GAB2: variants seen among roughly 807,000 people sequenced by gnomAD.
GAB2 encodes GRB2 associated binding protein 2, also known as GRB2-associated-binding protein 2.
GAB2 carries 26 observed loss-of-function variants against 65.5 expected under a neutral mutation model. The observed-to-expected ratio is 0.40, with a 90% confidence interval of 0.29 to 0.55. The LOEUF (loss-of-function observed/expected upper bound fraction) is 0.55, where lower values mean the gene tolerates loss of function less well. GAB2 is among the 20% of genes least tolerant of loss of function. GAB2 has a pLI of 0.53. For missense variants in GAB2, 884 were observed against 875.8 expected (o/e 1.01, Z -0.12); for synonymous variants, 321 against 329.6 (o/e 0.97, Z 0.28).
At chr11:78,225,715 G>T (rs1426869233) in intron 4 of GAB2, among the ~76,000 whole-genome samples, 1 of 152,220 alleles carries the variant, frequency 6.6e-6, no homozygotes, top group Non-Finnish European at 1.5e-5. Context: ...TAGGGTCTGA[G>T]TCTCATCTCT....
At chr11:78,385,192 A>G (rs1236306431) in intron 1 of GAB2, among the ~76,000 whole-genome samples, 1 of 152,274 alleles carries the variant, frequency 6.6e-6, no homozygotes, top group African/African-American at 2.4e-5. Flanking sequence ...CAGGGTATAG[A>G]AATGGCATCA....
At chr11:78,236,373 A>C (rs1001794555) in intron 3 of GAB2, among the ~76,000 whole-genome samples, 5 of 152,148 alleles carry the variant, frequency 3.3e-5, no homozygotes, top group African/African-American at 1.2e-4. Flanking sequence ...CTGGTCTCGA[A>C]CTCTTGAGCT....
At chr11:78,274,794 T>C (rs570394855) in intron 2 of GAB2, among the ~76,000 whole-genome samples, 17 of 152,170 alleles carry the variant, frequency 1.1e-4, no homozygotes, top group Non-Finnish European at 2.1e-4. Context: ...GTGCTTCCAG[T>C]ACAATGCATA....
intron 1 of GAB2, among the ~76,000 whole-genome samples, chr11:78,370,712 C>CCTGTGTGTGTGTGTGTGTGTGTGTGTGT (rs58668713): frequency 8.1e-6 from 1 of 123,220 alleles, no homozygotes. Flanking sequence ...TGTGTGTGTG[C>CCTGTGTGTGTGTGTGTGTGTGTGTGTGT]GTGTGTGTGT....
At chr11:78,411,354 A>G (rs1857126918) in intron 1 of GAB2, among the ~76,000 whole-genome samples, 2 of 152,236 alleles carry the variant, frequency 1.3e-5, no homozygotes, top group Non-Finnish European at 2.9e-5. Flanking sequence ...AAACAAGATT[A>G]TTCTAAAATT....
chr11:78,351,453 C>CTT (rs916784692), intron 1 of GAB2, among the ~76,000 whole-genome samples: 2 of 152,074 alleles, frequency 1.3e-5, no homozygotes, highest in Non-Finnish European at 2.9e-5. Context: ...TTTATAAGGT[C>CTT]TTTGTTGATT....
chr11:78,372,822 C>G lies in GAB2; in HGVS notation c.75+44824G>C, dbSNP rs112063411. Among the ~76,000 whole-genome samples the G allele has an allele frequency of 3.1e-3, 466 of 152,282 alleles. 1 individual carries two copies. Among genetic ancestry groups the G allele is most frequent in the African/African-American group, 0.01 (433 of 41,558 alleles). On this transcript the variant is annotated intron_variant, in intron 1 of 9. Transcript: ENST00000361507. Reference sequence around the variant, plus strand: ...AGGGTCTCTCATTCACCAACCTACCCCACTCCCAACCTTCAAAACCAGTTT... The same window carrying G: ...AGGGTCTCTCATTCACCAACCTACCGCACTCCCAACCTTCAAAACCAGTTT...
At chr11:78,382,670 T>C (rs755194585) in intron 1 of GAB2, among the ~76,000 whole-genome samples, 10 of 152,304 alleles carry the variant, frequency 6.6e-5, no homozygotes, top group East Asian at 1.9e-4. Flanking sequence ...ATTCCTTCCT[T>C]TTCAGTCAAT....
chr11:78,268,628 G>C (rs1013445133), intron 2 of GAB2, among the ~76,000 whole-genome samples: 2 of 152,064 alleles, frequency 1.3e-5, no homozygotes, highest in Non-Finnish European at 2.9e-5. Context: ...TGGCGCTGTG[G>C]AGTTGGGACG....
chr11:78,385,228 T>C (rs1438700814), intron 1 of GAB2, among the ~76,000 whole-genome samples: 1 of 152,164 alleles, frequency 6.6e-6, no homozygotes, highest in Non-Finnish European at 1.5e-5. Context: ...GAAAAGAAAC[T>C]TACAACTTGT....
chr11:78,303,741 T>G (rs554410134), intron 1 of GAB2, among the ~76,000 whole-genome samples: 3 of 152,194 alleles, frequency 2.0e-5, no homozygotes, highest in African/African-American at 7.2e-5. Flanking sequence ...ACTGAATCTA[T>G]TGATCAATTT....
chr11:78,247,601 A>G (rs192957136), intron 3 of GAB2, among the ~76,000 whole-genome samples: 11 of 152,330 alleles, frequency 7.2e-5, no homozygotes, highest in African/African-American at 2.6e-4. Flanking sequence ...TTATTGGAAC[A>G]TCATAGGAAA....
chr11:78,417,614 G>A lies in GAB2; in HGVS notation c.75+32C>T, dbSNP rs749063561. On this transcript the variant is annotated intron_variant, in intron 1 of 9. Transcript: ENST00000361507. Reference sequence around the variant, plus strand: ...CTCCGCAGGCCCCGGAGCGCCCCCCGCCCGCCCCTGGGCGGCCGCGCCCGC... The same window carrying A: ...CTCCGCAGGCCCCGGAGCGCCCCCCACCCGCCCCTGGGCGGCCGCGCCCGC... The A allele has an allele frequency of 7.8e-6, 9 of 1,158,068 alleles. No homozygotes were observed. The South Asian group carries it at 1.3e-4, about 17-fold the overall frequency. The allele number at this position is 1,158,068 out of a possible 1,614,324, so 71.7% of individuals were successfully genotyped here.
At chr11:78,365,404 T>G (rs1391693929) in intron 1 of GAB2, among the ~76,000 whole-genome samples, 1 of 152,168 alleles carries the variant, frequency 6.6e-6, no homozygotes, top group Non-Finnish European at 1.5e-5. Context: ...CTAATTAGAT[T>G]TCCTCCACCT....
chr11:78,393,080 T>C (rs1856854039), intron 1 of GAB2, among the ~76,000 whole-genome samples: 1 of 151,980 alleles, frequency 6.6e-6, no homozygotes. Flanking sequence ...TGAGGGAAGA[T>C]AAATCTCCTT....
chr11:78,224,147 C>T (rs1199628605), intron 5 of GAB2, among the ~76,000 whole-genome samples: 1 of 152,148 alleles, frequency 6.6e-6, no homozygotes, highest in Non-Finnish European at 1.5e-5. Flanking sequence ...CTGTGGGCCC[C>T]TTCAAGCCTT....
rs1018693690 is a variant in GAB2, at chr11:78,250,463, A to G, written c.377-63T>C. 6.2e-6 allele frequency: 9 copies of G among 1,449,366 alleles called. No homozygotes were observed. In the African/African-American group the frequency reaches 1.3e-4, roughly 20 times the overall value. 89.8% of individuals were successfully genotyped at this position (1,449,366 alleles called of 1,614,324 possible). A position where few individuals can be genotyped will look rare whatever the true frequency, so the allele number is the denominator to read the frequency against. ...GGAAATGTATCCTTATCCCAAAGTGAGTTGTCAGAGGAAGAAAAAAGAGTA... is the reference window on the plus strand; with the variant it reads ...GGAAATGTATCCTTATCCCAAAGTGGGTTGTCAGAGGAAGAAAAAAGAGTA... On this transcript the variant is annotated intron_variant, in intron 2 of 9. Transcript: ENST00000361507.
chr11:78,295,557 T>C (rs1418240591), intron 1 of GAB2, among the ~76,000 whole-genome samples: 1 of 152,172 alleles, frequency 6.6e-6, no homozygotes, highest in South Asian at 2.1e-4. Flanking sequence ...TCATGACTTA[T>C]GGAAAGGGCA....
intron 1 of GAB2, among the ~76,000 whole-genome samples, chr11:78,369,920 C>T (rs527259795): frequency 2.0e-5 from 3 of 152,188 alleles, no homozygotes; most frequent in Admixed American, 6.5e-5. Flanking sequence ...TGATTTATAA[C>T]GAACATGTAC....
Sources: gnomAD v4.1 joint callset for allele counts (sites outside exome capture counted in the v4.1 genomes callset) on GRCh38, gnomAD v4.1.1 for gene constraint, MANE v1.5 for transcripts, NCBI Gene and HGNC (gene_info 2026-07-23, HGNC 2026-07-21) for gene names.